ABLIM2: variants seen among roughly 807,000 people sequenced by gnomAD.
ABLIM2 encodes the protein actin binding LIM protein family member 2, also known as actin-binding LIM protein 2.
A neutral mutation model predicts 97.7 loss-of-function variants in ABLIM2; 53 were observed. That is an observed-to-expected ratio of 0.54 (90% CI 0.44 to 0.68). The LOEUF is 0.68. Among genes scored for constraint, ABLIM2 ranks in the 30% least tolerant of loss-of-function variants. The probability of loss-of-function intolerance (pLI) is 0.00; values close to 1 mark genes in which losing one functional copy is unlikely to be tolerated. For missense variants in ABLIM2, 835 were observed against 867.2 expected (o/e 0.96, Z 0.47); for synonymous variants, 361 against 345.8 (o/e 1.04, Z -0.49).
At chr4:8,065,096 T>C (rs930113223) in intron 6 of ABLIM2, among the ~76,000 whole-genome samples, 1 of 151,824 alleles carries the variant, frequency 6.6e-6, no homozygotes. Context: ...CAAAAAAAAT[T>C]GAAAAATTAG....
chr4:8,123,799 C>T lies in ABLIM2; in HGVS notation c.11-17162G>A, dbSNP rs1347601358. On this transcript the variant is annotated intron_variant, in intron 1 of 20. Transcript: ENST00000447017. This position sits in a 1 kb window ranked among gnomAD's most constrained non-coding sequence, Gnocchi z 6.2. ...CACAGCCCAACTGGGGTGACAAGGT[C>T]CTGGCTCCACCCGGACAGGCCAAGA... 6.6e-6 allele frequency among the ~76,000 whole-genome samples: 1 copy of T among 152,138 alleles called. No individual in the cohort carries two copies. Among genetic ancestry groups the T allele is most frequent in the Admixed American group, 6.5e-5 (1 of 15,280 alleles).
chr4:8,036,961 GGTT>G lies in ABLIM2; in HGVS notation c.901-669_901-667del, dbSNP rs1784859159. Among the ~76,000 whole-genome samples the G allele has an allele frequency of 2.0e-5, 3 of 152,222 alleles. No individual in the cohort carries two copies. In the South Asian group the frequency reaches 6.2e-4, roughly 32 times the overall value. On this transcript the variant is annotated intron_variant, in intron 9 of 20. Transcript: ENST00000447017. ...AAATCCCCAAATCCTCATATGCTCA[GGTT>G]GTTAAGTAAAATTATGTGGTTCTTG...
chr4:8,052,644 A>G (rs1319031531), intron 8 of ABLIM2, among the ~76,000 whole-genome samples: 1 of 152,188 alleles, frequency 6.6e-6, no homozygotes, highest in Non-Finnish European at 1.5e-5. Context: ...GCCCCCGTGC[A>G]GGCCTCCAGC....
At chr4:8,064,670 C>T (rs958705239) in intron 6 of ABLIM2, among the ~76,000 whole-genome samples, 2 of 152,122 alleles carry the variant, frequency 1.3e-5, no homozygotes, top group African/African-American at 4.8e-5. Context: ...TGAACTGATC[C>T]AAGCCAAGAA....
Position 8,003,847 on chromosome 4 carries a change from G to T in ABLIM2, c.1618+4212C>A, listed in dbSNP as rs1759095175. 6.6e-6 allele frequency among the ~76,000 whole-genome samples: 1 copy of T among 152,106 alleles called. No individual in the cohort carries two copies. The highest frequency in any genetic ancestry group is 2.4e-5 in the African/African-American group (1 of 41,428). ...CCCAAAGTGCTGGGATTACAGGCAT[G>T]AGCCACTGTGCCTGGCCCTCTTCTT... is the stretch of plus-strand genomic sequence containing the variant. On this transcript the variant is annotated intron_variant, in intron 16 of 20. Transcript: ENST00000447017. This position sits in a 1 kb window ranked among gnomAD's most constrained non-coding sequence, Gnocchi z 4.2.
chr4:7,987,737 C>G (rs1745529382), intron 17 of ABLIM2, among the ~76,000 whole-genome samples: 1 of 152,136 alleles, frequency 6.6e-6, no homozygotes, highest in Non-Finnish European at 1.5e-5. Flanking sequence ...AGGCATCTAC[C>G]AGGTGGAGAA....
rs1775656823 is a variant in ABLIM2, at chr4:8,023,949, C to A, written c.1268-3646G>T. Among the ~76,000 whole-genome samples the A allele has an allele frequency of 6.6e-6, 1 of 152,192 alleles. No individual in the cohort carries two copies. Among genetic ancestry groups the A allele is most frequent in the Non-Finnish European group, 1.5e-5 (1 of 68,030 alleles). ...ACACCGCAGAGAGGCCAGCTGGTGGCCACGGGCAGGCCAGGTAGGATGATG... is the reference window on the plus strand; with the variant it reads ...ACACCGCAGAGAGGCCAGCTGGTGGACACGGGCAGGCCAGGTAGGATGATG... On this transcript the variant is annotated intron_variant, in intron 12 of 20. Coordinates refer to ENST00000447017, the MANE Select transcript of ABLIM2 (RefSeq NM_001130083.2). This position sits in a 1 kb window ranked among gnomAD's most constrained non-coding sequence, Gnocchi z 5.7.
In ABLIM2 at chr4:8,015,401, G is replaced by A. The variant is rs1203951036; in HGVS notation, c.1423+4217C>T. On this transcript the variant is annotated intron_variant, in intron 14 of 20. Transcript: ENST00000447017. This position sits in a 1 kb window ranked among gnomAD's most constrained non-coding sequence, Gnocchi z 4.6. Reference sequence around the variant, plus strand: ...GGCTCCCCTGGGGAGCCTCAGTGGGGGCTTCCCAGTGCAATCCGCACTCTG... The same window carrying A: ...GGCTCCCCTGGGGAGCCTCAGTGGGAGCTTCCCAGTGCAATCCGCACTCTG... Among the ~76,000 whole-genome samples the A allele has an allele frequency of 1.3e-5, 2 of 151,984 alleles. No homozygotes were observed. The highest frequency in any genetic ancestry group is 3.9e-4 in the East Asian group (2 of 5,154).
In ABLIM2 at chr4:8,117,421, G is replaced by T. The variant is rs549744084; in HGVS notation, c.11-10784C>A. ...CCCACAGCAGATTCTCCTGCTTCAG[G>T]CTCCACTCACCAGACTCCACCCACT... On this transcript the variant is annotated intron_variant, in intron 1 of 20. Coordinates refer to ENST00000447017, the MANE Select transcript of ABLIM2 (RefSeq NM_001130083.2). 2.0e-5 allele frequency among the ~76,000 whole-genome samples: 3 copies of T among 150,964 alleles called. 1 individual carries two copies. The South Asian group carries it at 6.4e-4, about 32-fold the overall frequency.
Position 8,147,214 on chromosome 4 carries a change from C to A in ABLIM2, c.10+11466G>T, listed in dbSNP as rs1439265497. ...TCATATTCTTATCCACAGTCTGTGA[C>A]AGGATCTAACTCCCGGGACGTTTAA... On this transcript the variant is annotated intron_variant, in intron 1 of 20. Transcript: ENST00000447017. This position sits in a 1 kb window ranked among gnomAD's most constrained non-coding sequence, Gnocchi z 5.3. Among the ~76,000 whole-genome samples, 3 of 152,228 alleles carry A rather than the reference C, an allele frequency of 2.0e-5. No individual in the cohort carries two copies. Among genetic ancestry groups the A allele is most frequent in the African/African-American group, 7.2e-5 (3 of 41,462 alleles).
At chr4:8,089,796 T>C (rs1826164714) in intron 3 of ABLIM2, among the ~76,000 whole-genome samples, 1 of 150,804 alleles carries the variant, frequency 6.6e-6, no homozygotes, top group South Asian at 2.1e-4. Flanking sequence ...GTCTGTCTTC[T>C]TCAGGGAGGA....
chr4:8,103,594 G>C (rs898718749), intron 2 of ABLIM2, among the ~76,000 whole-genome samples: 12 of 152,338 alleles, frequency 7.9e-5, no homozygotes, highest in African/African-American at 2.9e-4. Flanking sequence ...TGGAGTCCAT[G>C]GTCACTAATC....
chr4:8,027,659 G>C, intron 12 of ABLIM2, 100 bp downstream of exon 12: 1 of 932,268 alleles, frequency 1.1e-6, no homozygotes, highest in Non-Finnish European at 1.5e-6. Flanking sequence ...ATGAAACAGG[G>C]GCTCCGGTGA....
At chr4:8,151,331 C>A (rs1390873350) in intron 1 of ABLIM2, among the ~76,000 whole-genome samples, 1 of 152,312 alleles carries the variant, frequency 6.6e-6, no homozygotes, top group Admixed American at 6.5e-5. Flanking sequence ...AGCCCCAGAG[C>A]CAGCCCTGGC....
intron 1 of ABLIM2, among the ~76,000 whole-genome samples, chr4:8,154,181 C>A (rs1714332513): frequency 6.6e-6 from 1 of 151,354 alleles, no homozygotes; most frequent in South Asian, 2.1e-4. Flanking sequence ...CCAGGATGGT[C>A]TCCATCTCCT....
In ABLIM2 at chr4:8,099,519, T is replaced by C. The variant is rs535988761; in HGVS notation, c.155-2237A>G. 1.1e-4 allele frequency among the ~76,000 whole-genome samples: 16 copies of C among 152,210 alleles called. 2 individuals carry two copies. The East Asian group carries it at 2.9e-3, about 28-fold the overall frequency. ...GTTGCTGGTCAGATTCTAGCTGTCC[T>C]GAGTATGCCAAGGTCACCACAAGGT... is the stretch of plus-strand genomic sequence containing the variant. On this transcript the variant is annotated intron_variant, in intron 2 of 20. Coordinates refer to ENST00000447017, the MANE Select transcript of ABLIM2 (RefSeq NM_001130083.2).
intron 2 of ABLIM2, among the ~76,000 whole-genome samples, chr4:8,101,293 C>T (rs1325018859): frequency 1.3e-5 from 2 of 152,226 alleles, no homozygotes; most frequent in Non-Finnish European, 2.9e-5. Flanking sequence ...TCTGAGATTC[C>T]TCCTGCCGGG....
intron 20 of ABLIM2, among the ~76,000 whole-genome samples, chr4:7,973,649 T>C (rs1730144292): frequency 6.6e-6 from 1 of 152,188 alleles, no homozygotes; most frequent in South Asian, 2.1e-4. Flanking sequence ...TGACTAAGTG[T>C]GCAATTTACA....
At chr4:8,081,152 C>T (rs914730927) in intron 4 of ABLIM2, among the ~76,000 whole-genome samples, 8 of 152,034 alleles carry the variant, frequency 5.3e-5, no homozygotes, top group South Asian at 4.2e-4. Flanking sequence ...ACTCGATGTG[C>T]CCCCCAAAGG....
Sources: allele counts gnomAD v4.1 joint callset (sites outside exome capture counted in the v4.1 genomes callset), GRCh38; gene constraint gnomAD v4.1.1; non-coding constraint Gnocchi (gnomAD v3.1); transcripts MANE v1.5; gene names NCBI Gene and HGNC (gene_info 2026-07-23, HGNC 2026-07-21).